The following PRPF8 variants were observed in gnomAD, a reference collection of about 807,000 sequenced individuals.
The protein encoded by PRPF8 is pre-mRNA-processing-splicing factor 8.
A neutral mutation model predicts 285.9 loss-of-function variants in PRPF8; 64 were observed. That is an observed-to-expected ratio of 0.22 (90% confidence interval 0.18 to 0.28). The LOEUF (loss-of-function observed/expected upper bound fraction) is 0.28. PRPF8 is among the 10% of genes least tolerant of loss of function. The pLI is 1.00. For missense variants in PRPF8, 1,426 were observed against 3,026.7 expected (o/e 0.47, Z 12.41); for synonymous variants, 1,325 against 1,118.2 (o/e 1.18, Z -3.69).
At chr17:1,672,009 CCT>C (rs1252429168) in intron 24 of PRPF8, among the ~76,000 whole-genome samples, 1 of 151,914 alleles carries the variant, frequency 6.6e-6, no homozygotes, top group Non-Finnish European at 1.5e-5. Flanking sequence ...ACAGTGAGAC[CCT>C]GTCTCTAATA....
At chr17:1,683,125 A>T (rs1263575790) in intron 3 of PRPF8, 14 of 293,708 alleles carry the variant, frequency 4.8e-5, no homozygotes, top group Non-Finnish European at 9.3e-5. Context: ...CCTCCCAAGT[A>T]GCTGGGACTA....
In PRPF8 at chr17:1,676,407, C is replaced by A. The variant is rs73291003; in HGVS notation, c.2389-37G>T. 1.6e-4 allele frequency: 252 copies of A among 1,614,086 alleles called. No individual in the cohort carries two copies. The African/African-American group carries it at 2.9e-3, about 18-fold the overall frequency. On this transcript the variant is annotated intron_variant, in intron 16 of 42. Coordinates refer to ENST00000304992, the MANE Select transcript of PRPF8 (RefSeq NM_006445.4). The surrounding 1 kb of genome is among the most constrained non-coding windows in gnomAD (Gnocchi z 6.3). ...ACATGAAATTAGCCTCCCGCTACAG[C>A]CCGATCCTGCCAGAACAAGGTTCAG...
In PRPF8 at chr17:1,658,890, A is replaced by G. The variant is rs772858622; in HGVS notation, c.5139-127T>C. On this transcript the variant is annotated intron_variant, in intron 32 of 42. Transcript: ENST00000304992. The surrounding 1 kb of genome is among the most constrained non-coding windows in gnomAD (Gnocchi z 4.1). ...CTGACAACACTCTGCTCATGTGTAC[A>G]TACAGGCTGGAGAAGAGAATCAGTG... The G allele has an allele frequency of 5.3e-5, 44 of 836,572 alleles. No individual in the cohort carries two copies. Among genetic ancestry groups the G allele is most frequent in the Non-Finnish European group, 8.1e-5 (40 of 493,626 alleles). The allele number at this position is 836,572 out of a possible 1,614,324, so 51.8% of individuals were successfully genotyped here.
intron 21 of PRPF8, among the ~76,000 whole-genome samples, 174 bp downstream of exon 21, chr17:1,674,268 T>C (rs908889655): frequency 8.5e-5 from 13 of 152,256 alleles, no homozygotes; most frequent in Non-Finnish European, 7.4e-5. Context: ...GTGATCCGCC[T>C]GCCTCGGCCT....
In PRPF8 at chr17:1,659,527, G is replaced by C. The variant is rs1911573398; in HGVS notation, c.4968C>G (p.Thr1656=). ...GGATGTCAATCCAGTATTTCTGGGT[G>C]GTGGTGCTGTCCATCACATCCCTGA... ...ADSKDVMDST[T]TQKYWIDIQL... is the part of the protein sequence containing the mutation. The change falls in exon 32 of 43, where the codon ACC becomes ACG. Residue 1656 remains threonine, a synonymous_variant. Transcript: ENST00000304992. This position sits in a 1 kb window ranked among gnomAD's most constrained non-coding sequence, Gnocchi z 5.1. 1.2e-6 allele frequency: 2 copies of C among 1,614,134 alleles called. No homozygotes were observed. The highest frequency in any genetic ancestry group is 1.3e-5 in the African/African-American group (1 of 75,018).
At chr17:1,667,689 A>G (rs1912073172) in intron 24 of PRPF8, among the ~76,000 whole-genome samples, 1 of 151,920 alleles carries the variant, frequency 6.6e-6, no homozygotes, top group African/African-American at 2.4e-5. Flanking sequence ...GACTACAGAC[A>G]TGTGCCACCA....
intron 24 of PRPF8, among the ~76,000 whole-genome samples, chr17:1,664,446 A>G (rs1224842675): frequency 1.3e-5 from 2 of 152,216 alleles, no homozygotes; most frequent in Non-Finnish European, 2.9e-5. Flanking sequence ...AGCAGAATAC[A>G]GATTAACAGA....
Position 1,651,661 on chromosome 17 carries a change from T to C in PRPF8, c.6497A>G (p.His2166Arg). The C allele has an allele frequency of 1.2e-6, 2 of 1,614,166 alleles. No homozygotes were observed. The highest frequency in any genetic ancestry group is 1.7e-5 in the Admixed American group (1 of 60,032). Residue 2166 changes from histidine to arginine, a missense_variant, in exon 40 of 43, where the codon CAT becomes CGT. Transcript: ENST00000304992. This position sits in a 1 kb window ranked among gnomAD's most constrained non-coding sequence, Gnocchi z 5.1. ...TVHLPGQLPQHEYLKEMEPLG... is the reference protein window; with the variant it reads ...TVHLPGQLPQREYLKEMEPLG... ...ACTCCCCATTACCTTGAGGTACTCA[T>C]GCTGGGGCAGCTGGCCAGGCAGGTG... is the stretch of plus-strand genomic sequence containing the variant.
At position 1,661,800 on chromosome 17, in the gene PRPF8, TG is replaced by T; in HGVS notation, c.4023-11del. On this transcript the variant is annotated splice_polypyrimidine_tract_variant and intron_variant, in intron 25 of 42. Transcript: ENST00000304992. The surrounding 1 kb of genome is among the most constrained non-coding windows in gnomAD (Gnocchi z 7.3). ...TGTCTGTTTGGACCACCTGTTTGGG[TG>T]TACAACCAAGATTACAGAAAAAATA... is the stretch of plus-strand genomic sequence containing the variant. 1 of 1,614,190 alleles carries T rather than the reference TG, an allele frequency of 6.2e-7. No homozygotes were observed. The highest frequency in any genetic ancestry group is 1.1e-5 in the South Asian group (1 of 91,092).
intron 24 of PRPF8, among the ~76,000 whole-genome samples, chr17:1,667,276 A>C (rs1912044032): frequency 6.6e-6 from 1 of 152,208 alleles, no homozygotes. Context: ...TGCACTTGGA[A>C]TTGCTGATGT....
intron 3 of PRPF8, chr17:1,683,307 T>C (rs1913039750): frequency 8.1e-6 from 5 of 617,680 alleles, no homozygotes; most frequent in Non-Finnish European, 1.4e-5. Flanking sequence ...GGACATCTTA[T>C]AATATCATCA....
chr17:1,650,916 C>T lies in PRPF8; in HGVS notation c.6894G>A (p.Leu2298=). 1 of 1,614,222 alleles carries T rather than the reference C, an allele frequency of 6.2e-7. No homozygotes were observed. ...CGTGGTAGAACTCTTTGGGGTTCGC[C>T]AGCTGTAGCTCATATTTCATGTTGG... ...HDPNMKYELQ[L]ANPKEFYHEV... Residue 2298 remains leucine, a synonymous_variant, in exon 43 of 43, where the codon CTG becomes CTA. Transcript: ENST00000304992.
At chr17:1,669,193 A>G (rs11651409) in intron 24 of PRPF8, among the ~76,000 whole-genome samples, 2 of 151,750 alleles carry the variant, frequency 1.3e-5, no homozygotes, top group African/African-American at 4.8e-5. Flanking sequence ...TGCAACCTCT[A>G]CCTCCCGGGT....
Position 1,651,501 on chromosome 17 carries a change from A to G in PRPF8, c.6563T>C (p.Leu2188Ser), listed in dbSNP as rs766244377. The G allele has an allele frequency of 6.2e-7, 1 of 1,614,112 alleles. No individual in the cohort carries two copies. Residue 2188 changes from leucine (L) to serine (S), a missense_variant, in exon 41 of 43, where the codon TTA becomes TCA. Transcript: ENST00000304992. This position sits in a 1 kb window ranked among gnomAD's most constrained non-coding sequence, Gnocchi z 5.1. ...IHTQPNESPQ[L>S]SPQDVTTHAK... ...ATGGGTGGTGACATCCTGGGGTGAT[A>G]ACTGCGGGGACTCATTGGGCTGAGT... is the stretch of plus-strand genomic sequence containing the variant.
At position 1,660,017 on chromosome 17, in the gene PRPF8, G is replaced by C; in HGVS notation, c.4786-16C>G. On this transcript the variant is annotated splice_polypyrimidine_tract_variant and intron_variant, in intron 30 of 42. Coordinates refer to ENST00000304992, the MANE Select transcript of PRPF8 (RefSeq NM_006445.4). ...GGTCAAACACCTGAAGGAAAACATG[G>C]AGAGATTAAGACTTGTTAAGGAAGC... is the stretch of plus-strand genomic sequence containing the variant. The C allele has an allele frequency of 1.2e-6, 2 of 1,613,342 alleles. No individual in the cohort carries two copies. Among genetic ancestry groups the C allele is most frequent in the African/African-American group, 2.7e-5 (2 of 75,038 alleles).
Position 1,653,562 on chromosome 17 carries a change from T to C in PRPF8, c.6349A>G (p.Ile2117Val), listed in dbSNP as rs1911195741. Residue 2117 changes from isoleucine (I) to valine (V), a missense_variant, in exon 39 of 43, where the codon ATA (isoleucine) becomes GTA (valine). This residue lies in a region of PRPF8 where 160 missense variants were observed against 373.7 expected (regional missense o/e 0.43). Transcript: ENST00000304992. This position sits in a 1 kb window ranked among gnomAD's most constrained non-coding sequence, Gnocchi z 4.9. ...PKNVLKKFIC[I>V]SDLRAQIAGY... ...CTCACTTGGGCCCGAAGGTCAGATA[T>C]GCAGATGAACTTCTTAAGCACATTC... 1.2e-6 allele frequency: 2 copies of C among 1,614,234 alleles called. No individual in the cohort carries two copies. The highest frequency in any genetic ancestry group is 2.2e-5 in the East Asian group (1 of 44,886).
Position 1,673,999 on chromosome 17 carries a change from C to T in PRPF8, c.3300-107G>A. 8.2e-7 allele frequency: 1 copy of T among 1,214,236 alleles called. No individual in the cohort carries two copies. The highest frequency in any genetic ancestry group is 1.2e-6 in the Non-Finnish European group (1 of 842,436). 75.2% of individuals were successfully genotyped at this position (1,214,236 alleles called of 1,614,324 possible). On this transcript the variant is annotated intron_variant, in intron 21 of 42. Coordinates refer to ENST00000304992, the MANE Select transcript of PRPF8 (RefSeq NM_006445.4). The surrounding 1 kb of genome is among the most constrained non-coding windows in gnomAD (Gnocchi z 5.5). ...AGACCCCACCCCATCCTACCCCCACCCTCCCCGGGCTTCATTCCATTTTAT... is the reference window on the plus strand; with the variant it reads ...AGACCCCACCCCATCCTACCCCCACTCTCCCCGGGCTTCATTCCATTTTAT...
chr17:1,667,690 T>C (rs1419839131), intron 24 of PRPF8, among the ~76,000 whole-genome samples: 3 of 151,966 alleles, frequency 2.0e-5, no homozygotes, highest in Non-Finnish European at 4.4e-5. Context: ...ACTACAGACA[T>C]GTGCCACCAC....
In PRPF8 at chr17:1,676,083, G is replaced by C; in HGVS notation, c.2553-29C>G. 1 of 1,612,484 alleles carries C rather than the reference G, an allele frequency of 6.2e-7. No homozygotes were observed. Reference sequence around the variant, plus strand: ...ACAAAAGCAATGGGAAGGGTGAATGGGAAAACTAGGAGGAAGTAAAACCAG... The same window carrying C: ...ACAAAAGCAATGGGAAGGGTGAATGCGAAAACTAGGAGGAAGTAAAACCAG... On this transcript the variant is annotated intron_variant, in intron 17 of 42. Coordinates refer to ENST00000304992, the MANE Select transcript of PRPF8 (RefSeq NM_006445.4). The surrounding 1 kb of genome is among the most constrained non-coding windows in gnomAD (Gnocchi z 6.3).
Sources: gnomAD v4.1 joint callset for allele counts (sites outside exome capture counted in the v4.1 genomes callset) on GRCh38, gnomAD v4.1.1 for gene constraint, gnomAD v4.1.1 regional missense constraint, Gnocchi (gnomAD v3.1) non-coding constraint, MANE v1.5 for transcripts, NCBI Gene and HGNC (gene_info 2026-07-23, HGNC 2026-07-21) for gene names.